ETV1: variants seen among roughly 807,000 people sequenced by gnomAD.
The protein encoded by ETV1 is ETS translocation variant 1.
Under a neutral mutation model 62.3 loss-of-function variants are expected in ETV1, and 27 were observed. The ratio of observed to expected loss-of-function variants is 0.43; its 90% CI spans 0.32 to 0.60. ETV1 has a LOEUF of 0.60. ETV1 is among the 20% of genes least tolerant of loss of function. ETV1 has a pLI of 0.06. For missense variants in ETV1, 605 were observed against 605.8 expected (o/e 1.00, Z 0.01); for synonymous variants, 222 against 199.6 (o/e 1.11, Z -0.94).
At chr7:13,914,677 T>C (rs1783957001) in intron 9 of ETV1, among the ~76,000 whole-genome samples, 1 of 151,762 alleles carries the variant, frequency 6.6e-6, no homozygotes, top group Non-Finnish European at 1.5e-5. Context: ...ATTTTCAAGC[T>C]ATGCTGGGAA....
intron 3 of ETV1, 198 bp from the exon 4 acceptor site, chr7:13,988,371 C>T (rs1782742649): frequency 3.4e-6 from 2 of 581,622 alleles, no homozygotes; most frequent in Non-Finnish European, 6.0e-6. Flanking sequence ...TTATGTTAAG[C>T]AGGCAGGGAG....
chr7:13,985,903 C>A (rs7779470), intron 5 of ETV1, among the ~76,000 whole-genome samples: 22,656 of 152,106 alleles, frequency 0.15, 2,020 homozygotes, highest in Middle Eastern at 0.26. Flanking sequence ...ACAGATTGCA[C>A]CACAAAATTT....
At chr7:13,983,756 T>C (rs942872256) in intron 5 of ETV1, among the ~76,000 whole-genome samples, 3 of 151,398 alleles carry the variant, frequency 2.0e-5, no homozygotes, top group African/African-American at 7.3e-5. Flanking sequence ...TCTTGGGAAA[T>C]GATATTAATG....
intron 13 of ETV1, among the ~76,000 whole-genome samples, chr7:13,898,224 C>T (rs765918028): frequency 2.0e-5 from 3 of 152,018 alleles, no homozygotes; most frequent in Non-Finnish European, 4.4e-5. Flanking sequence ...AGCCAAAATG[C>T]AACACTGAGA....
At chr7:13,922,600 A>T (rs928723473) in intron 9 of ETV1, among the ~76,000 whole-genome samples, 1 of 152,178 alleles carries the variant, frequency 6.6e-6, no homozygotes, top group Non-Finnish European at 1.5e-5. Flanking sequence ...ATCAGCCAAA[A>T]CAAAACAAGA....
At chr7:13,918,422 C>A (rs1053371229) in intron 9 of ETV1, among the ~76,000 whole-genome samples, 13 of 152,160 alleles carry the variant, frequency 8.5e-5, no homozygotes, top group Non-Finnish European at 1.9e-4. Flanking sequence ...TATAAAGACA[C>A]ATGCACAAGT....
In ETV1 at chr7:13,894,878, T is replaced by C; in HGVS notation, c.*988A>G. 1 of 232,864 alleles carries C rather than the reference T, an allele frequency of 4.3e-6. No individual in the cohort carries two copies. Among genetic ancestry groups the C allele is most frequent in the Non-Finnish European group, 8.5e-6 (1 of 117,664 alleles). The allele number at this position is 232,864 out of a possible 1,614,324, so 14.4% of individuals were successfully genotyped here. On this transcript the variant is annotated 3_prime_UTR_variant, in exon 14 of 14. Coordinates refer to ENST00000430479, the MANE Select transcript of ETV1 (RefSeq NM_004956.5). ...TTACTATAGTACCTATTTAGTGTAT[T>C]GGATATTTTTCTTAAAGAGTGTTTG...
At chr7:13,928,503 A>G (rs1392440501) in intron 9 of ETV1, among the ~76,000 whole-genome samples, 1 of 151,802 alleles carries the variant, frequency 6.6e-6, no homozygotes, top group Non-Finnish European at 1.5e-5. Flanking sequence ...AATCCCAGCT[A>G]CTCCGGAGGC....
At chr7:13,927,753 A>G (rs746734297) in intron 9 of ETV1, among the ~76,000 whole-genome samples, 2 of 152,184 alleles carry the variant, frequency 1.3e-5, no homozygotes. Flanking sequence ...ACATTTTGAC[A>G]CCCACAGATT....
rs1781525558 is a variant in ETV1 at position 13,893,550 on chromosome 7, A to G, written c.*2316T>C. The G allele has an allele frequency of 4.3e-6, 1 of 231,904 alleles. No individual in the cohort carries two copies. The highest frequency in any genetic ancestry group is 1.8e-4 in the South Asian group (1 of 5,514). The allele number at this position is 231,904 out of a possible 1,614,324, so 14.4% of individuals were successfully genotyped here. On this transcript the variant is annotated 3_prime_UTR_variant, in exon 14 of 14. Transcript: ENST00000430479. ...TTTCTGCCATTGTTCTCTTGTGATA[A>G]CGTTAGCATGGCCCAATTCTTCCTC...
chr7:13,939,317 T>G, intron 6 of ETV1, 71 bp from the exon 7 acceptor site: 1 of 1,339,886 alleles, frequency 7.5e-7, no homozygotes, highest in Non-Finnish European at 1.0e-6. Flanking sequence ...TGTGTTCTAC[T>G]TCTCTTGTTA....
At chr7:13,924,539 G>A (rs1271474418) in intron 9 of ETV1, among the ~76,000 whole-genome samples, 1 of 152,132 alleles carries the variant, frequency 6.6e-6, no homozygotes, top group East Asian at 1.9e-4. Context: ...ACTATTTAAT[G>A]TGAAATGTGC....
rs1447085645 is a variant in ETV1, at chr7:13,946,829, C to G, written c.236-7583G>C. Among the ~76,000 whole-genome samples the G allele has an allele frequency of 2.0e-5, 3 of 152,064 alleles. No individual in the cohort carries two copies. The East Asian group carries it at 5.8e-4, about 29-fold the overall frequency. ...TTTGAGACAGAGTCTCACTCTGTCTCCCAGGCTGGAGTGCAGTGGCACAAT... is the reference window on the plus strand; with the variant it reads ...TTTGAGACAGAGTCTCACTCTGTCTGCCAGGCTGGAGTGCAGTGGCACAAT... On this transcript the variant is annotated intron_variant, in intron 6 of 13. Coordinates refer to ENST00000430479, the MANE Select transcript of ETV1 (RefSeq NM_004956.5).
At chr7:13,900,000 G>A (rs550076874) in intron 13 of ETV1, among the ~76,000 whole-genome samples, 18 of 152,128 alleles carry the variant, frequency 1.2e-4, no homozygotes, top group East Asian at 1.9e-4. Context: ...GTGGTGGTGC[G>A]CACCTGTAGT....
intron 9 of ETV1, among the ~76,000 whole-genome samples, chr7:13,928,851 G>A (rs1057096475): frequency 6.6e-6 from 1 of 152,044 alleles, no homozygotes; most frequent in African/African-American, 2.4e-5. Context: ...CCAGTTACTC[G>A]GGAGGCTGAG....
intron 6 of ETV1, chr7:13,975,087 C>G (rs1781290857): frequency 6.6e-6 from 1 of 152,204 alleles, no homozygotes; most frequent in Admixed American, 6.5e-5. Flanking sequence ...CCAGACATGT[C>G]TAAATTTAAA....
chr7:13,969,559 G>C (rs1780666200), intron 6 of ETV1, among the ~76,000 whole-genome samples: 2 of 152,106 alleles, frequency 1.3e-5, no homozygotes. Flanking sequence ...CGAAAGGCCT[G>C]CATCAGAATC....
intron 9 of ETV1, among the ~76,000 whole-genome samples, chr7:13,916,458 T>C (rs899318215): frequency 6.6e-6 from 1 of 151,830 alleles, no homozygotes; most frequent in Non-Finnish European, 1.5e-5. Flanking sequence ...GCCAACATGG[T>C]GAAAACCTGT....
intron 9 of ETV1, among the ~76,000 whole-genome samples, chr7:13,923,010 A>G (rs1306107545): frequency 6.6e-6 from 1 of 152,368 alleles, no homozygotes; most frequent in Non-Finnish European, 1.5e-5. Context: ...CTAGATGAGT[A>G]GTAGTAATAA....
Sources: allele counts gnomAD v4.1 joint callset (sites outside exome capture counted in the v4.1 genomes callset), GRCh38; gene constraint gnomAD v4.1.1; transcripts MANE v1.5; gene names NCBI Gene and HGNC (gene_info 2026-07-23, HGNC 2026-07-21).